SUSD3: variants seen among roughly 807,000 people sequenced by gnomAD.
SUSD3 encodes sushi domain-containing protein 3.
Under a neutral mutation model 20.6 loss-of-function variants are expected in SUSD3, and 18 were observed. The observed-to-expected ratio is 0.87, with a 90% CI of 0.60 to 1.30. The LOEUF (loss-of-function observed/expected upper bound fraction) is 1.30. Ranked by LOEUF, SUSD3 falls within the 50% of genes most tolerant of loss-of-function variation. The pLI, the probability that SUSD3 is intolerant of heterozygous loss-of-function variation, is 0.00. For synonymous variants in SUSD3, 137 were observed against 141.5 expected, an observed-to-expected ratio of 0.97 and a Z score of 0.23; for missense variants, 306 against 346.9, an observed-to-expected ratio of 0.88 and a Z score of 0.94.
chr9:93,074,543 GT>G (rs1297136466), intron 1 of SUSD3, among the ~76,000 whole-genome samples: 1 of 150,814 alleles, frequency 6.6e-6, no homozygotes, highest in Admixed American at 6.6e-5. Context: ...GGAGGCGTGG[GT>G]TGTTTCAGCC....
chr9:93,083,536 G>T (rs1489774797), intron 4 of SUSD3, among the ~76,000 whole-genome samples: 26 of 152,202 alleles, frequency 1.7e-4, no homozygotes, highest in Admixed American at 1.7e-3. Flanking sequence ...GCACTGTTCT[G>T]AACTCTTCCA....
intron 1 of SUSD3, among the ~76,000 whole-genome samples, chr9:93,071,434 A>G (rs2118950233): frequency 6.6e-6 from 1 of 152,368 alleles, no homozygotes; most frequent in African/African-American, 2.4e-5. Flanking sequence ...GGAAGCATCC[A>G]GCATGGGAGA....
At position 93,080,258 on chromosome 9, in the gene SUSD3, G is replaced by A. The variant is rs1471115233; in HGVS notation, c.557+656G>A. On this transcript the variant is annotated intron_variant, in intron 4 of 4. Coordinates refer to ENST00000375472, the MANE Select transcript of SUSD3 (RefSeq NM_145006.4). The stretch of plus-strand genomic sequence containing the variant: ...CACTTGAACCCAGGAGGCGGAGCTT[G>A]TAGTGAGCCAAGGTTGTGCCACCGC... Among the ~76,000 whole-genome samples, 3 of 139,974 alleles carry A rather than the reference G, an allele frequency of 2.1e-5. No individual in the cohort carries two copies. The East Asian group carries it at 6.9e-4, about 32-fold the overall frequency. 91.8% of individuals were successfully genotyped at this position (139,974 alleles called of 152,430 possible). A position where few individuals can be genotyped will look rare whatever the true frequency, so the allele number is the denominator to read the frequency against.
intron 1 of SUSD3, 32 bp from the exon 2 acceptor site, chr9:93,075,752 C>G (rs577217457): frequency 1.4e-5 from 4 of 284,396 alleles, no homozygotes; most frequent in Admixed American, 5.0e-5. Context: ...CCCCCCCCCC[C>G]CGCCATGCCT....
chr9:93,062,315 T>C (rs1221399560), intron 1 of SUSD3, among the ~76,000 whole-genome samples: 5 of 152,226 alleles, frequency 3.3e-5, no homozygotes, highest in Admixed American at 1.3e-4. Flanking sequence ...ATTTTGTATC[T>C]TGTTTGCATC....
rs892528506 is a variant in SUSD3 at position 93,078,144 on chromosome 9, C to A, written c.425+151C>A. 2.2e-5 allele frequency: 24 copies of A among 1,110,432 alleles called. No homozygotes were observed. The Admixed American group carries it at 2.3e-4, about 11-fold the overall frequency. 68.8% of individuals were successfully genotyped at this position (1,110,432 alleles called of 1,614,324 possible). A position where few individuals can be genotyped will look rare whatever the true frequency, so the allele number is the denominator to read the frequency against. ...CTGCTCTGGGCCTGCGTCTCCCCCC[C>A]AAGTGCTGCTCCCGGCCCACGCAGC... On this transcript the variant is annotated intron_variant, in intron 3 of 4. Transcript: ENST00000375472.
chr9:93,058,857 T>C, intron 1 of SUSD3, 27 bp downstream of exon 1: 1 of 1,215,812 alleles, frequency 8.2e-7, no homozygotes, highest in Non-Finnish European at 1.0e-6. Flanking sequence ...AGTGGCCGCG[T>C]GCGGGGCTCT....
At chr9:93,062,839 G>A (rs1825561164) in intron 1 of SUSD3, among the ~76,000 whole-genome samples, 2 of 152,172 alleles carry the variant, frequency 1.3e-5, no homozygotes, top group Non-Finnish European at 1.5e-5. Flanking sequence ...GTCCCTGGGA[G>A]TTGGGTGCAG....
intron 1 of SUSD3, among the ~76,000 whole-genome samples, chr9:93,063,736 C>G (rs558122293): frequency 1.3e-5 from 2 of 152,192 alleles, no homozygotes; most frequent in Admixed American, 1.3e-4. Flanking sequence ...TCCCCCAGAC[C>G]CTCTGCTTGA....
chr9:93,079,662 C>A (rs1360810340), intron 4 of SUSD3, 60 bp downstream of exon 4: 19 of 1,579,830 alleles, frequency 1.2e-5, no homozygotes, highest in Non-Finnish European at 1.6e-5. Flanking sequence ...TTGGTCAGGC[C>A]CCGGGCCACC....
chr9:93,075,987 C>T lies in SUSD3; in HGVS notation c.277+15C>T, dbSNP rs1433822546. On this transcript the variant is annotated intron_variant, in intron 2 of 4. Transcript: ENST00000375472. ...AGTGTGCAAACGTAAGGACCCCTCT[C>T]TCAGCTCGGTGGCTCTGGGGGTGGG... 3 of 1,571,578 alleles carry T rather than the reference C, an allele frequency of 1.9e-6. No individual in the cohort carries two copies. The highest frequency in any genetic ancestry group is 8.7e-7 in the Non-Finnish European group (1 of 1,152,966).
intron 1 of SUSD3, among the ~76,000 whole-genome samples, chr9:93,061,002 A>G (rs951241290): frequency 7.2e-5 from 11 of 152,222 alleles, no homozygotes; most frequent in Non-Finnish European, 1.6e-4. Context: ...CTCATCTCCC[A>G]TGAGCGCCCT....
chr9:93,083,281 A>C (rs1401382239), intron 4 of SUSD3, among the ~76,000 whole-genome samples: 1 of 152,070 alleles, frequency 6.6e-6, no homozygotes, highest in Non-Finnish European at 1.5e-5. Flanking sequence ...CTTCATGGGG[A>C]CTCAGAGAAG....
In SUSD3 at chr9:93,075,886, A is replaced by G. The variant is rs200999861; in HGVS notation, c.191A>G (p.Asn64Ser). The change falls in exon 2 of 5, where the codon AAC (asparagine) becomes AGC (serine). Residue 64 changes from asparagine (N) to serine (S), a missense_variant. Asn to Ser is a conservative substitution (Grantham distance 46). Transcript: ENST00000375472. ...GTVLMFRCPS[N>S]HQMVGSGLLT... ...GTGCTCATGTTCCGCTGCCCCTCCAACCACCAGATGGTGGGGTCTGGGCTC... is the reference window on the plus strand; with the variant it reads ...GTGCTCATGTTCCGCTGCCCCTCCAGCCACCAGATGGTGGGGTCTGGGCTC... 3.0e-5 allele frequency: 48 copies of G among 1,613,086 alleles called. No homozygotes were observed. The highest frequency in any genetic ancestry group is 4.2e-6 in the Non-Finnish European group (5 of 1,179,548).
chr9:93,075,485 G>A (rs1826097728), intron 1 of SUSD3, among the ~76,000 whole-genome samples: 1 of 139,190 alleles, frequency 7.2e-6, no homozygotes, highest in South Asian at 2.3e-4. Flanking sequence ...CAAAGGCCAT[G>A]CCTCAGTGTC....
chr9:93,071,796 C>T (rs1825922120), intron 1 of SUSD3, among the ~76,000 whole-genome samples: 2 of 152,172 alleles, frequency 1.3e-5, no homozygotes, highest in African/African-American at 4.8e-5. Context: ...GTGGTGATCA[C>T]ATTTCCAGCT....
At chr9:93,077,676 A>G (rs369216639) in intron 2 of SUSD3, among the ~76,000 whole-genome samples, 170 bp from the exon 3 acceptor site, 1 of 152,062 alleles carries the variant, frequency 6.6e-6, no homozygotes, top group East Asian at 1.9e-4. Context: ...TCTTTGCCTC[A>G]GCCCCCAGCA....
chr9:93,063,235 T>C (rs1229200782), intron 1 of SUSD3, among the ~76,000 whole-genome samples: 1 of 152,132 alleles, frequency 6.6e-6, no homozygotes, highest in Non-Finnish European at 1.5e-5. Flanking sequence ...CCATGGACCT[T>C]GGGGATTGAG....
At chr9:93,078,094 C>T in intron 3 of SUSD3, 101 bp downstream of exon 3, 1 of 1,507,930 alleles carries the variant, frequency 6.6e-7, no homozygotes, top group Non-Finnish European at 9.1e-7. Flanking sequence ...CGGCACTGCC[C>T]TCAGGGCACC....
Sources: gnomAD v4.1 joint callset for allele counts (sites outside exome capture counted in the v4.1 genomes callset) on GRCh38, gnomAD v4.1.1 for gene constraint, MANE v1.5 for transcripts, NCBI Gene and HGNC (gene_info 2026-07-23, HGNC 2026-07-21) for gene names.